TMEM108: variants seen among roughly 807,000 people sequenced by gnomAD.
TMEM108 encodes the protein cancer/testis antigen 124.
In TMEM108, 12 loss-of-function variants were observed where a neutral mutation model predicts 35.1. The observed-to-expected ratio is 0.34, with a 90% CI of 0.22 to 0.55. The LOEUF is 0.55. TMEM108 is among the 20% of genes least tolerant of loss of function. The pLI is 0.89. For synonymous variants in TMEM108, 287 were observed against 308.6 expected (o/e 0.93, Z 0.73); for missense variants, 680 against 753.3 (o/e 0.90, Z 1.14).
intron 4 of TMEM108, 30 bp downstream of exon 4, chr3:133,381,191 TC>T (rs1372059295): frequency 3.4e-5 from 52 of 1,550,750 alleles, no homozygotes; most frequent in Non-Finnish European, 4.6e-5. Context: ...ACCCATCCTC[TC>T]CCTCTACCAC....
intron 3 of TMEM108, among the ~76,000 whole-genome samples, chr3:133,230,467 G>A (rs1393103428): frequency 6.6e-6 from 1 of 152,186 alleles, no homozygotes; most frequent in Non-Finnish European, 1.5e-5. Flanking sequence ...TGTTCTATGG[G>A]ACTGCCAGTT....
chr3:133,149,937 G>T (rs1325041132), intron 2 of TMEM108, among the ~76,000 whole-genome samples: 1 of 152,092 alleles, frequency 6.6e-6, no homozygotes, highest in Admixed American at 6.6e-5. Flanking sequence ...TATGAATAGT[G>T]CTGCAATAAA....
chr3:133,179,873 C>T (rs910337071), intron 2 of TMEM108, among the ~76,000 whole-genome samples: 3 of 135,846 alleles, frequency 2.2e-5, no homozygotes, highest in Admixed American at 7.1e-5. Context: ...GCCATACTTA[C>T]AAGCCTTATC....
chr3:133,074,484 A>T (rs1309639530), intron 2 of TMEM108: 1 of 152,142 alleles, frequency 6.6e-6, no homozygotes, highest in Non-Finnish European at 1.5e-5. Context: ...TCTAACACAA[A>T]GCCTATTTTT....
At chr3:133,279,631 G>A (rs1946885210) in intron 3 of TMEM108, among the ~76,000 whole-genome samples, 2 of 152,226 alleles carry the variant, frequency 1.3e-5, no homozygotes, top group African/African-American at 4.8e-5. Context: ...CAGCAGCCAT[G>A]TACCACACTC....
rs140482418 is a variant in TMEM108 at position 133,394,516 on chromosome 3, T to C, written c.1606-1348T>C. ...TCCTTTGCTTTGGTTGTTTCCTGAA[T>C]AACTCTCTCTTTAATGCAGCAAAAC... On this transcript the variant is annotated intron_variant, in intron 5 of 5. Coordinates refer to ENST00000321871, the MANE Select transcript of TMEM108 (RefSeq NM_023943.4). Among the ~76,000 whole-genome samples the C allele has an allele frequency of 3.3e-5, 5 of 152,350 alleles. No individual in the cohort carries two copies. The East Asian group carries it at 9.6e-4, about 29-fold the overall frequency.
chr3:133,166,586 G>T (rs1049005767), intron 2 of TMEM108, among the ~76,000 whole-genome samples: 2 of 152,062 alleles, frequency 1.3e-5, no homozygotes, highest in Non-Finnish European at 2.9e-5. Context: ...GCAGACCTTC[G>T]CAGTGAGTGT....
At chr3:133,118,811 AG>A (rs1334782201) in intron 2 of TMEM108, among the ~76,000 whole-genome samples, 3 of 152,104 alleles carry the variant, frequency 2.0e-5, no homozygotes, top group Non-Finnish European at 4.4e-5. Flanking sequence ...AGTTTACCGT[AG>A]GGGGTGTGTA....
chr3:133,137,651 T>TA (rs1944583640), intron 2 of TMEM108, among the ~76,000 whole-genome samples: 1 of 152,180 alleles, frequency 6.6e-6, no homozygotes, highest in Non-Finnish European at 1.5e-5. Context: ...GTCACAAGGA[T>TA]AGATTACACA....
chr3:133,239,834 T>C (rs1946288661), intron 3 of TMEM108, among the ~76,000 whole-genome samples: 1 of 152,110 alleles, frequency 6.6e-6, no homozygotes. Context: ...AAAACCAGGA[T>C]CAGTTAGGAA....
At chr3:133,350,714 G>A (rs541436756) in intron 3 of TMEM108, among the ~76,000 whole-genome samples, 3 of 152,060 alleles carry the variant, frequency 2.0e-5, no homozygotes, top group African/African-American at 2.4e-5. Flanking sequence ...CTTAAGATTC[G>A]GCAGTAATTC....
chr3:133,325,344 G>A (rs1309707533), intron 3 of TMEM108, among the ~76,000 whole-genome samples: 7 of 152,132 alleles, frequency 4.6e-5, no homozygotes, highest in Admixed American at 4.6e-4. Flanking sequence ...GCAGTAGGTG[G>A]GTGAGGGATA....
chr3:133,374,542 TTA>T (rs10580755), intron 3 of TMEM108, among the ~76,000 whole-genome samples: 4,184 of 145,718 alleles, frequency 0.029, 153 homozygotes, highest in Admixed American at 0.11. Context: ...ATAATTTTTG[TTA>T]TATATATATA....
chr3:133,360,871 A>C (rs1382336868), intron 3 of TMEM108, among the ~76,000 whole-genome samples: 2 of 152,224 alleles, frequency 1.3e-5, no homozygotes, highest in African/African-American at 4.8e-5. Flanking sequence ...GACAGTGAAG[A>C]AGCTATTTGA....
At chr3:133,055,418 A>G (rs1232990999) in intron 2 of TMEM108, among the ~76,000 whole-genome samples, 3 of 152,246 alleles carry the variant, frequency 2.0e-5, no homozygotes, top group Non-Finnish European at 1.5e-5. Context: ...AACAATAAAG[A>G]CATCTGCTCT....
At chr3:133,117,416 C>T (rs966864544) in intron 2 of TMEM108, among the ~76,000 whole-genome samples, 2 of 152,218 alleles carry the variant, frequency 1.3e-5, no homozygotes, top group East Asian at 3.8e-4. Flanking sequence ...ACATTCCTTT[C>T]TGCCAGAACT....
At chr3:133,272,568 AT>A (rs1946788027) in intron 3 of TMEM108, among the ~76,000 whole-genome samples, 1 of 151,974 alleles carries the variant, frequency 6.6e-6, no homozygotes, top group Admixed American at 6.6e-5. Flanking sequence ...GTTCTATGCA[AT>A]TTTTATGGTA....
At chr3:133,270,829 TCACA>T (rs370143465) in intron 3 of TMEM108, among the ~76,000 whole-genome samples, 6 of 147,214 alleles carry the variant, frequency 4.1e-5, no homozygotes, top group Non-Finnish European at 4.5e-5. Flanking sequence ...ACTCACACAC[TCACA>T]CACACACACA....
intron 3 of TMEM108, among the ~76,000 whole-genome samples, chr3:133,275,145 C>G (rs1281444009): frequency 6.6e-6 from 1 of 152,022 alleles, no homozygotes; most frequent in East Asian, 1.9e-4. Context: ...TTAGCTCTGA[C>G]TCTACAACTA....
Sources: gnomAD v4.1 joint callset for allele counts (sites outside exome capture counted in the v4.1 genomes callset) on GRCh38, gnomAD v4.1.1 for gene constraint, MANE v1.5 for transcripts, NCBI Gene and HGNC (gene_info 2026-07-23, HGNC 2026-07-21) for gene names.